The following RPRD2 variants were observed in gnomAD, a reference collection of about 807,000 sequenced individuals.
The protein encoded by RPRD2 is regulation of nuclear pre-mRNA domain-containing protein 2.
RPRD2 carries 12 observed loss-of-function variants against 104.4 expected under a neutral mutation model. The observed-to-expected ratio is 0.11, with a 90% CI of 0.07 to 0.19. RPRD2 has a LOEUF of 0.19. Ranked by LOEUF, RPRD2 falls within the 10% of genes least tolerant of loss-of-function variation. RPRD2 has a pLI of 1.00. For synonymous variants in RPRD2, 714 were observed against 684.9 expected (o/e 1.04, Z -0.66); for missense variants, 1,543 against 1,790.1 (o/e 0.86, Z 2.49).
At chr1:150,462,727 T>C (rs1668020987) in intron 9 of RPRD2, among the ~76,000 whole-genome samples, 1 of 152,072 alleles carries the variant, frequency 6.6e-6, no homozygotes, top group African/African-American at 2.4e-5. Flanking sequence ...AGCTAATTTT[T>C]TGTATTTTTG....
intron 10 of RPRD2, among the ~76,000 whole-genome samples, chr1:150,469,386 C>G (rs923401994): frequency 6.6e-6 from 1 of 152,130 alleles, no homozygotes; most frequent in Non-Finnish European, 1.5e-5. Context: ...AAGTGATTCT[C>G]CAGCCTCAGC....
intron 1 of RPRD2, among the ~76,000 whole-genome samples, chr1:150,413,367 G>A (rs1306727216): frequency 5.3e-5 from 8 of 151,552 alleles, no homozygotes; most frequent in Middle Eastern, 3.4e-3. Context: ...TTGGGAGGCC[G>A]AGGCAGGCGG....
intron 1 of RPRD2, among the ~76,000 whole-genome samples, chr1:150,411,788 C>CAAAAAAAA (rs71086508): frequency 5.7e-5 from 4 of 70,728 alleles, no homozygotes; most frequent in African/African-American, 3.6e-4. Flanking sequence ...TAGACTGTCT[C>CAAAAAAAA]AAAAAAAAAA....
At position 150,471,637 on chromosome 1, in the gene RPRD2, C is replaced by G. The variant is rs746082359; in HGVS notation, c.2689C>G (p.Leu897Val). ...SAFPPSVRAL[L>V]DSSENCDRLS... ...CTTCCCTCCATCTGTAAGGGCCCTC[C>G]TGGACTCTAGTGAGAACTGTGACCG... The change falls in exon 11 of 11, where the codon CTG (leucine) becomes GTG (valine). Residue 897 changes from leucine to valine, a missense_variant. Leu to Val is a conservative substitution (Grantham distance 32). Transcript: ENST00000369068. The surrounding 1 kb of genome is among the most constrained non-coding windows in gnomAD (Gnocchi z 5.3). The G allele has an allele frequency of 5.6e-6, 9 of 1,613,770 alleles. No individual in the cohort carries two copies. Among genetic ancestry groups the G allele is most frequent in the Non-Finnish European group, 7.6e-6 (9 of 1,179,868 alleles).
chr1:150,429,525 C>T (rs2102314437), intron 2 of RPRD2, among the ~76,000 whole-genome samples: 1 of 151,950 alleles, frequency 6.6e-6, no homozygotes, highest in South Asian at 2.1e-4. Context: ...TGGCTAATTT[C>T]TGTATTTTTT....
At position 150,417,611 on chromosome 1, in the gene RPRD2, G is replaced by A. The variant is rs1553888810; in HGVS notation, c.221G>A (p.Arg74His). Residue 74 changes from arginine to histidine, a missense_variant, in exon 2 of 11, where the codon CGT becomes CAT. Physicochemically the swap from Arg to His is conservative, Grantham distance 29. Coordinates refer to ENST00000369068, the MANE Select transcript of RPRD2 (RefSeq NM_015203.5). ...KWLRRSAYPH[R>H]LNLFYLANDV... ...TCATCTCTAGCTGCATATCCCCACCGTTTGAATCTCTTTTACCTTGCCAAT... is the reference window on the plus strand; with the variant it reads ...TCATCTCTAGCTGCATATCCCCACCATTTGAATCTCTTTTACCTTGCCAAT... The A allele has an allele frequency of 6.3e-7, 1 of 1,578,570 alleles. No homozygotes were observed. Among genetic ancestry groups the A allele is most frequent in the Non-Finnish European group, 8.6e-7 (1 of 1,157,666 alleles).
chr1:150,450,901 G>A (rs1370304626), intron 7 of RPRD2, among the ~76,000 whole-genome samples: 7 of 151,980 alleles, frequency 4.6e-5, no homozygotes, highest in South Asian at 2.1e-4. Context: ...GTGAGCCACC[G>A]TGCCCCTCCA....
chr1:150,429,621 C>G (rs181971340), intron 2 of RPRD2, among the ~76,000 whole-genome samples: 10 of 152,202 alleles, frequency 6.6e-5, no homozygotes, highest in Admixed American at 4.6e-4. Flanking sequence ...TACCAAACTA[C>G]GAGGCCTTTC....
At chr1:150,392,311 T>C (rs1662142465) in intron 1 of RPRD2, among the ~76,000 whole-genome samples, 1 of 152,084 alleles carries the variant, frequency 6.6e-6, no homozygotes, top group South Asian at 2.1e-4. Context: ...TTCCAGCCAG[T>C]CTGGCCAACA....
intron 1 of RPRD2, among the ~76,000 whole-genome samples, chr1:150,367,292 A>G (rs1659910789): frequency 6.6e-6 from 1 of 152,182 alleles, no homozygotes; most frequent in African/African-American, 2.4e-5. Context: ...GCGCAATGAA[A>G]ACAGTTTATG....
chr1:150,413,356 T>C (rs1356427554), intron 1 of RPRD2, among the ~76,000 whole-genome samples: 1 of 152,150 alleles, frequency 6.6e-6, no homozygotes, highest in African/African-American at 2.4e-5. Context: ...ATTCCAGCAC[T>C]TTGGGAGGCC....
intron 1 of RPRD2, among the ~76,000 whole-genome samples, chr1:150,409,993 A>G (rs587757889): frequency 6.6e-6 from 1 of 152,304 alleles, no homozygotes; most frequent in South Asian, 2.1e-4. Context: ...TCACTGAGAA[A>G]GGAACATTTG....
chr1:150,402,687 C>G (rs782363954), intron 1 of RPRD2, among the ~76,000 whole-genome samples: 1 of 151,606 alleles, frequency 6.6e-6, no homozygotes, highest in Non-Finnish European at 1.5e-5. Flanking sequence ...CCCGTTTCAG[C>G]CGGGCGCGGT....
At chr1:150,418,063 G>C (rs781915638) in intron 2 of RPRD2, among the ~76,000 whole-genome samples, 1 of 152,008 alleles carries the variant, frequency 6.6e-6, no homozygotes, top group Non-Finnish European at 1.5e-5. Context: ...CGCCTCCCGG[G>C]TTCAAGCAAT....
intron 2 of RPRD2, among the ~76,000 whole-genome samples, chr1:150,439,897 A>G (rs1355954092): frequency 3.3e-5 from 5 of 152,058 alleles, no homozygotes; most frequent in Non-Finnish European, 7.4e-5. Flanking sequence ...ATTTCACGTA[A>G]GACATAATTA....
At chr1:150,402,585 A>T (rs1553885641) in intron 1 of RPRD2, among the ~76,000 whole-genome samples, 1 of 152,176 alleles carries the variant, frequency 6.6e-6, no homozygotes, top group Non-Finnish European at 1.5e-5. Flanking sequence ...CTGAGATGGA[A>T]GGATCACTTA....
intron 2 of RPRD2, among the ~76,000 whole-genome samples, chr1:150,418,166 A>G (rs1422881921): frequency 6.6e-6 from 1 of 152,012 alleles, no homozygotes; most frequent in African/African-American, 2.4e-5. Flanking sequence ...ATGGGGTTTC[A>G]CCATGTTAGC....
At chr1:150,411,440 A>G (rs113304763) in intron 1 of RPRD2, among the ~76,000 whole-genome samples, 19,977 of 120,584 alleles carry the variant, frequency 0.17, 1,469 homozygotes, top group African/African-American at 0.24. Flanking sequence ...TAGCCTGGAC[A>G]ACAGAGCTAG....
At chr1:150,423,908 T>C (rs978399084) in intron 2 of RPRD2, among the ~76,000 whole-genome samples, 8 of 151,792 alleles carry the variant, frequency 5.3e-5, no homozygotes, top group Non-Finnish European at 1.2e-4. Context: ...TTCTCCTGCC[T>C]CAGCCTCCTG....
Sources: allele counts gnomAD v4.1 joint callset (sites outside exome capture counted in the v4.1 genomes callset), GRCh38; gene constraint gnomAD v4.1.1; non-coding constraint Gnocchi (gnomAD v3.1); transcripts MANE v1.5; gene names NCBI Gene and HGNC (gene_info 2026-07-23, HGNC 2026-07-21).